KPNB1: variants seen among roughly 807,000 people sequenced by gnomAD.
The protein encoded by KPNB1 is importin subunit beta-1.
A neutral mutation model predicts 113.0 loss-of-function variants in KPNB1; 7 were observed. That is an observed-to-expected ratio of 0.06 (90% confidence interval 0.04 to 0.12). The LOEUF (loss-of-function observed/expected upper bound fraction) is 0.12, where lower values mean the gene tolerates loss of function less well. Among genes scored for constraint, KPNB1 ranks in the 10% least tolerant of loss-of-function variants. The pLI is 1.00. For synonymous variants in KPNB1, 363 were observed against 378.6 expected, an observed-to-expected ratio of 0.96 and a Z score of 0.48; for missense variants, 400 against 1,054.8, an observed-to-expected ratio of 0.38 and a Z score of 8.60.
intron 15 of KPNB1, among the ~76,000 whole-genome samples, chr17:47,676,187 G>A (rs1016202949): frequency 1.3e-5 from 2 of 152,154 alleles, no homozygotes; most frequent in African/African-American, 4.8e-5. Context: ...TGGACAGTGG[G>A]CATTGTCTCT....
At chr17:47,669,177 A>C (rs983851278) in intron 10 of KPNB1, among the ~76,000 whole-genome samples, 2 of 151,906 alleles carry the variant, frequency 1.3e-5, no homozygotes, top group African/African-American at 4.8e-5. Context: ...GGTGCAATCT[A>C]GGCTCACTGC....
chr17:47,664,212 A>G lies in KPNB1; in HGVS notation c.840A>G (p.Ile280Met), dbSNP rs1376336515. The G allele has an allele frequency of 2.5e-6, 4 of 1,613,794 alleles. No homozygotes were observed. The highest frequency in any genetic ancestry group is 3.4e-6 in the Non-Finnish European group (4 of 1,179,860). Residue 280 changes from isoleucine (I) to methionine (M), a missense_variant, in exon 8 of 22, where the codon ATA becomes ATG. By Grantham distance (10) the Ile-to-Met change is conservative (BLOSUM62 1). This residue lies in a region of KPNB1 where 285 missense variants were observed against 627.0 expected (regional missense o/e 0.45). Transcript: ENST00000290158. Reference protein sequence around the residue: ...SDIDEVALQGIEFWSNVCDEE... With the variant: ...SDIDEVALQGMEFWSNVCDEE... ...TTGATGAGGTGGCTTTACAAGGGAT[A>G]GAATTCTGGTCCAATGTCTGTGATG...
chr17:47,660,850 T>C (rs1373623984), intron 5 of KPNB1, among the ~76,000 whole-genome samples: 1 of 152,250 alleles, frequency 6.6e-6, no homozygotes, highest in African/African-American at 2.4e-5. Flanking sequence ...TTCTGTTTCC[T>C]CCCTGAAGTC....
At chr17:47,671,629 G>A (rs1159539787) in intron 12 of KPNB1, 2 of 151,828 alleles carry the variant, frequency 1.3e-5, no homozygotes, top group Non-Finnish European at 2.9e-5. Flanking sequence ...ACCTCCTCAA[G>A]CGATTCTCCT....
chr17:47,668,523 T>C, intron 10 of KPNB1, 113 bp downstream of exon 10: 1 of 793,632 alleles, frequency 1.3e-6, no homozygotes, highest in East Asian at 2.7e-5. Context: ...AGATTATCTC[T>C]AGATACTTGT....
In KPNB1 at chr17:47,684,711, T is replaced by C. The variant is rs2030891607; in HGVS notation, c.*2307T>C. 6.6e-6 allele frequency: 1 copy of C among 152,322 alleles called. No homozygotes were observed. Among genetic ancestry groups the C allele is most frequent in the Admixed American group, 6.6e-5 (1 of 15,232 alleles). 9.4% of individuals were successfully genotyped at this position (152,322 alleles called of 1,614,324 possible). On this transcript the variant is annotated 3_prime_UTR_variant, in exon 22 of 22. Transcript: ENST00000290158. ...GTCATGTTTTGTTCCAGGGAAGCAG[T>C]TGATGAGTGCTGTTACTAATGCTTT...
Position 47,674,806 on chromosome 17 carries a change from C to T in KPNB1, c.1912+24C>T, listed in dbSNP as rs376143288. 3.8e-5 allele frequency: 61 copies of T among 1,592,992 alleles called. No homozygotes were observed. In the African/African-American group the frequency reaches 7.8e-4, roughly 20 times the overall value. The stretch of plus-strand genomic sequence containing the variant: ...AGGTCGGTGAGAAATACTGTCTGGT[C>T]AGGGAATGTCTTTGGAATGTAGGCA... On this transcript the variant is annotated intron_variant, in intron 15 of 21. Coordinates refer to ENST00000290158, the MANE Select transcript of KPNB1 (RefSeq NM_002265.6).
chr17:47,649,972 C>A lies in KPNB1; in HGVS notation c.-273C>A. On this transcript the variant is annotated 5_prime_UTR_variant, in exon 1 of 22. Transcript: ENST00000290158. Reference sequence around the variant, plus strand: ...AGCCTCCCTTCCTTCTTTCTCCCTCCGCCTCCCGAGCACCAGCGCGCTCTG... The same window carrying A: ...AGCCTCCCTTCCTTCTTTCTCCCTCAGCCTCCCGAGCACCAGCGCGCTCTG... 1 of 1,325,990 alleles carries A rather than the reference C, an allele frequency of 7.5e-7. No homozygotes were observed. Among genetic ancestry groups the A allele is most frequent in the Non-Finnish European group, 9.6e-7 (1 of 1,042,596 alleles). 82.1% of individuals were successfully genotyped at this position (1,325,990 alleles called of 1,614,324 possible).
intron 5 of KPNB1, 66 bp downstream of exon 5, chr17:47,658,726 TTTG>T: frequency 1.4e-6 from 2 of 1,414,314 alleles, no homozygotes; most frequent in East Asian, 2.3e-5. Context: ...ATGAAAGTTT[TTTG>T]TTTTGTTTTC....
intron 5 of KPNB1, 38 bp downstream of exon 5, chr17:47,658,698 A>C (rs774489743): frequency 1.3e-6 from 2 of 1,543,762 alleles, no homozygotes; most frequent in Non-Finnish European, 1.8e-6. Context: ...TTCAGACAGT[A>C]AGGGATGAAA....
intron 17 of KPNB1, among the ~76,000 whole-genome samples, 162 bp from the exon 18 acceptor site, chr17:47,677,881 GCTT>G (rs1485426036): frequency 6.6e-6 from 1 of 152,206 alleles, no homozygotes; most frequent in East Asian, 1.9e-4. Context: ...ACCTGGGCTA[GCTT>G]CTTAGAGTTG....
chr17:47,661,112 C>T lies in KPNB1; in HGVS notation c.637-7C>T, dbSNP rs200070701. On this transcript the variant is annotated splice_polypyrimidine_tract_variant and splice_region_variant and intron_variant, in intron 5 of 21. Coordinates refer to ENST00000290158, the MANE Select transcript of KPNB1 (RefSeq NM_002265.6). Reference sequence around the variant, plus strand: ...CCTAATTCTCTTTATTTTTATTCCTCCTACAGTCTGAAAGGCACTTTATTA... The same window carrying T: ...CCTAATTCTCTTTATTTTTATTCCTTCTACAGTCTGAAAGGCACTTTATTA... 431 of 1,607,904 alleles carry T rather than the reference C, an allele frequency of 2.7e-4. 4 individuals are homozygous for T. The highest frequency in any genetic ancestry group is 1.3e-4 in the Admixed American group (8 of 59,994).
chr17:47,668,904 G>C (rs187782689), intron 10 of KPNB1, among the ~76,000 whole-genome samples: 265 of 150,960 alleles, frequency 1.8e-3, no homozygotes, highest in African/African-American at 6.1e-3. Context: ...TGTTGTGCTT[G>C]TTTTGCTATT....
chr17:47,663,392 G>A (rs985829537), intron 7 of KPNB1, among the ~76,000 whole-genome samples: 34 of 152,152 alleles, frequency 2.2e-4, no homozygotes, highest in African/African-American at 4.8e-5. Flanking sequence ...GGTCAGGCCC[G>A]GTGGCTAACG....
intron 19 of KPNB1, among the ~76,000 whole-genome samples, chr17:47,679,260 C>T (rs1429906843): frequency 6.6e-6 from 1 of 152,084 alleles, no homozygotes; most frequent in Non-Finnish European, 1.5e-5. Context: ...TTGAGTATTA[C>T]AAGGGATGGG....
At chr17:47,665,000 C>A in intron 8 of KPNB1, 57 bp from the exon 9 acceptor site, 1 of 1,217,106 alleles carries the variant, frequency 8.2e-7, no homozygotes, top group Non-Finnish European at 1.2e-6. Flanking sequence ...TCATTGTATG[C>A]CTTTAGTATA....
Position 47,660,808 on chromosome 17 carries a change from C to T in KPNB1, c.637-311C>T, listed in dbSNP as rs141040943. Among the ~76,000 whole-genome samples the T allele has an allele frequency of 9.8e-5, 15 of 152,320 alleles. No individual in the cohort carries two copies. In the East Asian group the frequency reaches 2.9e-3, roughly 29 times the overall value. On this transcript the variant is annotated intron_variant, in intron 5 of 21. Coordinates refer to ENST00000290158, the MANE Select transcript of KPNB1 (RefSeq NM_002265.6). ...CTACATGTAAATTTTTATCTTTTAA[C>T]CATTTTTATTTAAAACTTGTGACCT...
intron 4 of KPNB1, 141 bp downstream of exon 4, chr17:47,657,201 T>A: frequency 1.4e-6 from 1 of 721,206 alleles, no homozygotes; most frequent in Non-Finnish European, 2.4e-6. Flanking sequence ...CTGATTTATT[T>A]CCCTTAGGCC....
At position 47,683,967 on chromosome 17, in the gene KPNB1, T is replaced by C. The variant is rs1289072203; in HGVS notation, c.*1563T>C. 1 of 152,240 alleles carries C rather than the reference T, an allele frequency of 6.6e-6. No individual in the cohort carries two copies. The highest frequency in any genetic ancestry group is 1.5e-5 in the Non-Finnish European group (1 of 68,036). 9.4% of individuals were successfully genotyped at this position (152,240 alleles called of 1,614,324 possible). The stretch of plus-strand genomic sequence containing the variant: ...CAGGGCATCCTGAATTTTAGAGCCT[T>C]TCAGCAATAAGAAGGGATGTTGGTG... On this transcript the variant is annotated 3_prime_UTR_variant, in exon 22 of 22. Transcript: ENST00000290158.
Sources: gnomAD v4.1 joint callset for allele counts (sites outside exome capture counted in the v4.1 genomes callset) on GRCh38, gnomAD v4.1.1 for gene constraint, gnomAD v4.1.1 regional missense constraint, MANE v1.5 for transcripts, NCBI Gene and HGNC (gene_info 2026-07-23, HGNC 2026-07-21) for gene names.